ANKRD11: variants seen among roughly 807,000 people sequenced by gnomAD.
ANKRD11 encodes the protein ankyrin repeat domain 11.
A neutral mutation model predicts 195.7 loss-of-function variants in ANKRD11; 17 were observed. The ratio of observed to expected loss-of-function variants is 0.09; its 90% CI spans 0.06 to 0.13. ANKRD11 has a LOEUF of 0.13. Ranked by LOEUF, ANKRD11 falls within the 10% of genes least tolerant of loss-of-function variation. The pLI is 1.00. For synonymous variants in ANKRD11, 1,953 were observed against 1,528.1 expected, an observed-to-expected ratio of 1.28 and a Z score of -6.49; for missense variants, 3,735 against 3,566.1, an observed-to-expected ratio of 1.05 and a Z score of -1.21.
chr16:89,300,662 G>A (rs547134288), intron 4 of ANKRD11: 10 of 514,606 alleles, frequency 1.9e-5, no homozygotes, highest in Admixed American at 1.2e-4. Context: ...AGCAGGAGCC[G>A]TCAGAACAGC....
chr16:89,340,621 C>T (rs780156557), intron 2 of ANKRD11, among the ~76,000 whole-genome samples: 1 of 152,236 alleles, frequency 6.6e-6, no homozygotes, highest in Non-Finnish European at 1.5e-5. Flanking sequence ...CAAGGGGAAA[C>T]AGTACTTTGC....
intron 1 of ANKRD11, among the ~76,000 whole-genome samples, chr16:89,428,803 A>T (rs1441173271): frequency 6.6e-6 from 1 of 152,156 alleles, no homozygotes; most frequent in Admixed American, 6.5e-5. Flanking sequence ...CTAAGGCAGG[A>T]GAATCACTTG....
chr16:89,281,818 T>C lies in ANKRD11; in HGVS notation c.4724A>G (p.Asp1575Gly). Reference sequence around the variant, plus strand: ...GAAGCTGGTCATCATCAGGTCGCCGTCCCCCAGGAGCTTCTCCCTGGGCCT... The same window carrying C: ...GAAGCTGGTCATCATCAGGTCGCCGCCCCCCAGGAGCTTCTCCCTGGGCCT... ...DARPREKLLG[D>G]GDLMMTSFER... Residue 1575 changes from aspartate (D) to glycine (G), a missense_variant, in exon 9 of 13, where the codon GAC becomes GGC. Physicochemically the swap from Asp to Gly is moderately conservative, Grantham distance 94. Transcript: ENST00000301030. This position sits in a 1 kb window ranked among gnomAD's most constrained non-coding sequence, Gnocchi z 5.5. 1.2e-6 allele frequency: 2 copies of C among 1,613,890 alleles called. No homozygotes were observed. The highest frequency in any genetic ancestry group is 1.7e-6 in the Non-Finnish European group (2 of 1,179,992).
At chr16:89,277,335 G>C (rs1025538814) in intron 9 of ANKRD11, 1 of 152,328 alleles carries the variant, frequency 6.6e-6, no homozygotes, top group Non-Finnish European at 1.5e-5. Context: ...TTGGGCCTCA[G>C]GCAGCACCTG....
At chr16:89,445,157 G>A (rs995264995) in intron 1 of ANKRD11, among the ~76,000 whole-genome samples, 1 of 152,214 alleles carries the variant, frequency 6.6e-6, no homozygotes, top group South Asian at 2.1e-4. Flanking sequence ...AAATGTTAAC[G>A]GCTGATTTCT....
At chr16:89,418,597 A>C (rs1353480037) in intron 1 of ANKRD11, 1 of 197,476 alleles carries the variant, frequency 5.1e-6, no homozygotes, top group African/African-American at 2.3e-5. Flanking sequence ...GGTAAATCCA[A>C]AGTCCAGCAC....
chr16:89,486,617 A>C (rs142516526), intron 1 of ANKRD11, among the ~76,000 whole-genome samples: 83 of 152,328 alleles, frequency 5.4e-4, no homozygotes, highest in African/African-American at 1.6e-3. Context: ...GGCAAGGCCA[A>C]CGCAGCCAGA....
intron 2 of ANKRD11, among the ~76,000 whole-genome samples, chr16:89,373,850 A>G (rs975308027): frequency 6.6e-6 from 1 of 152,180 alleles, no homozygotes; most frequent in Non-Finnish European, 1.5e-5. Flanking sequence ...TCTTACTTTT[A>G]GTTAGAGCTG....
intron 2 of ANKRD11, among the ~76,000 whole-genome samples, chr16:89,384,091 G>C (rs1417989779): frequency 1.3e-5 from 2 of 152,136 alleles, no homozygotes; most frequent in African/African-American, 4.8e-5. Context: ...GTGGTGGCAG[G>C]CGCTTGTAAT....
At chr16:89,321,459 C>T (rs934065756) in intron 2 of ANKRD11, among the ~76,000 whole-genome samples, 34 of 21,970 alleles carry the variant, frequency 1.5e-3, no homozygotes, top group Admixed American at 5.4e-3. Flanking sequence ...GCGGGAGCTG[C>T]GGGGCGGGGA....
At chr16:89,338,035 G>A (rs2038462455) in intron 2 of ANKRD11, among the ~76,000 whole-genome samples, 1 of 152,132 alleles carries the variant, frequency 6.6e-6, no homozygotes, top group Non-Finnish European at 1.5e-5. Context: ...GTATCATGGT[G>A]ACTCCCTACA....
Position 89,288,418 on chromosome 16 carries a change from G to A in ANKRD11, c.744+110C>T, listed in dbSNP as rs2034801025. ...TTGAGGGTGGGCAAGGCGAAAACTC[G>A]CTTTCCTGTGCCCCACATCATGGAA... is the stretch of plus-strand genomic sequence containing the variant. On this transcript the variant is annotated intron_variant, in intron 7 of 12. Coordinates refer to ENST00000301030, the MANE Select transcript of ANKRD11 (RefSeq NM_013275.6). 24 of 1,547,796 alleles carry A rather than the reference G, an allele frequency of 1.6e-5. No individual in the cohort carries two copies. In the Admixed American group the frequency reaches 1.8e-4, roughly 12 times the overall value.
At chr16:89,486,423 G>C (rs902980060) in intron 1 of ANKRD11, among the ~76,000 whole-genome samples, 1 of 144,730 alleles carries the variant, frequency 6.9e-6, no homozygotes, top group Non-Finnish European at 1.5e-5. Context: ...CCTCCAGCCT[G>C]AGCAACACAC....
intron 1 of ANKRD11, among the ~76,000 whole-genome samples, chr16:89,454,204 G>C (rs528744576): frequency 6.6e-6 from 1 of 152,276 alleles, no homozygotes; most frequent in South Asian, 2.1e-4. Flanking sequence ...GCTGCTCTCA[G>C]TCACTGCCCA....
chr16:89,284,244 C>T lies in ANKRD11; in HGVS notation c.2298G>A (p.Lys766=), dbSNP rs974654700. The T allele has an allele frequency of 1.1e-5, 17 of 1,613,134 alleles. No homozygotes were observed. The Admixed American group carries it at 2.7e-4, about 25-fold the overall frequency. ...EKLRLYKEER[K]KKSKDRPSKL... ...TTGAGGGCCGGTCTTTTGATTTCTT[C>T]TTTCTCTCCTCTTTGTACAGTCTCA... is the stretch of plus-strand genomic sequence containing the variant. Residue 766 remains lysine, a synonymous_variant, in exon 9 of 13, where the codon AAG becomes AAA. Coordinates refer to ENST00000301030, the MANE Select transcript of ANKRD11 (RefSeq NM_013275.6).
rs1170699512 is a variant in ANKRD11 at position 89,281,702 on chromosome 16, G to A, written c.4840C>T (p.Arg1614Trp). Reference protein sequence around the residue: ...RMKQMEKLRHRSGDPKLKEKA... With the variant: ...RMKQMEKLRHWSGDPKLKEKA... ...TCCTTGAGCTTGGGGTCTCCGGACCGGTGCCTCAGCTTCTCCATTTGCTTC... is the reference window on the plus strand; with the variant it reads ...TCCTTGAGCTTGGGGTCTCCGGACCAGTGCCTCAGCTTCTCCATTTGCTTC... Residue 1614 changes from arginine (R) to tryptophan (W), a missense_variant, in exon 9 of 13, where the codon CGG (arginine) becomes TGG (tryptophan). By Grantham distance (101) the Arg-to-Trp change is moderately radical (BLOSUM62 -3). Coordinates refer to ENST00000301030, the MANE Select transcript of ANKRD11 (RefSeq NM_013275.6). The surrounding 1 kb of genome is among the most constrained non-coding windows in gnomAD (Gnocchi z 5.5). 2 of 1,614,050 alleles carry A rather than the reference G, an allele frequency of 1.2e-6. No individual in the cohort carries two copies. The highest frequency in any genetic ancestry group is 1.7e-6 in the Non-Finnish European group (2 of 1,180,006).
intron 1 of ANKRD11, among the ~76,000 whole-genome samples, chr16:89,467,388 G>C (rs1031507475): frequency 6.6e-6 from 1 of 152,218 alleles, no homozygotes; most frequent in Non-Finnish European, 1.5e-5. Flanking sequence ...GCTGCAGTGA[G>C]CTGTGATGGC....
At chr16:89,423,731 C>T (rs2042605174) in intron 1 of ANKRD11, among the ~76,000 whole-genome samples, 1 of 152,158 alleles carries the variant, frequency 6.6e-6, no homozygotes, top group African/African-American at 2.4e-5. Flanking sequence ...GGAATCAGCC[C>T]AGATGTGCTT....
chr16:89,474,689 T>G (rs1439908510), intron 1 of ANKRD11, among the ~76,000 whole-genome samples: 2 of 152,036 alleles, frequency 1.3e-5, no homozygotes, highest in African/African-American at 4.8e-5. Context: ...TCAGAGAGAC[T>G]CCGAGACCAA....
Sources: gnomAD v4.1 joint callset for allele counts (sites outside exome capture counted in the v4.1 genomes callset) on GRCh38, gnomAD v4.1.1 for gene constraint, Gnocchi (gnomAD v3.1) non-coding constraint, MANE v1.5 for transcripts, NCBI Gene and HGNC (gene_info 2026-07-23, HGNC 2026-07-21) for gene names.